Variants in SGSM2 observed in about 807,000 individuals in gnomAD.
The protein encoded by SGSM2 is small G protein signaling modulator 2, also known as RUN and TBC1 domain containing 1.
A neutral mutation model predicts 126.6 loss-of-function variants in SGSM2; 89 were observed. That is an observed-to-expected ratio of 0.70 (90% CI 0.59 to 0.84). The LOEUF is 0.84. Ranked by LOEUF, SGSM2 falls within the 40% of genes least tolerant of loss-of-function variation. The pLI, the probability that SGSM2 is intolerant of heterozygous loss-of-function variation, is 0.00. For synonymous variants in SGSM2, 614 were observed against 574.3 expected, an observed-to-expected ratio of 1.07 and a Z score of -0.99; for missense variants, 1,404 against 1,416.6, an observed-to-expected ratio of 0.99 and a Z score of 0.14.
chr17:2,361,056 G>C (rs1437643973), intron 2 of SGSM2, among the ~76,000 whole-genome samples: 4 of 152,202 alleles, frequency 2.6e-5, no homozygotes, highest in Non-Finnish European at 5.9e-5. Flanking sequence ...TCTGTCTGTG[G>C]AAAGTCCAGA....
At chr17:2,376,653 C>T (rs1567850945) in intron 19 of SGSM2, 80 bp from the exon 20 acceptor site, 18 of 1,479,516 alleles carry the variant, frequency 1.2e-5, no homozygotes, top group Non-Finnish European at 1.7e-5. Context: ...CGGCAGGTGG[C>T]TCTGGAGGAC....
intron 3 of SGSM2, 129 bp from the exon 4 acceptor site, chr17:2,361,980 C>T: frequency 2.2e-6 from 3 of 1,344,970 alleles, no homozygotes; most frequent in Admixed American, 2.2e-5. Context: ...CTGTACCCCT[C>T]CTTCACCTCC....
At chr17:2,366,352 T>C (rs2065585033) in intron 11 of SGSM2, among the ~76,000 whole-genome samples, 1 of 152,210 alleles carries the variant, frequency 6.6e-6, no homozygotes, top group African/African-American at 2.4e-5. Context: ...AGACTTGCTT[T>C]TCTTACAGAT....
At chr17:2,369,070 T>G (rs1009380896) in intron 12 of SGSM2, among the ~76,000 whole-genome samples, 1 of 152,162 alleles carries the variant, frequency 6.6e-6, no homozygotes, top group African/African-American at 2.4e-5. Flanking sequence ...CAACCTAGTA[T>G]AGAGCTTCTG....
intron 2 of SGSM2, among the ~76,000 whole-genome samples, chr17:2,357,552 C>T (rs2065134670): frequency 6.6e-6 from 1 of 152,156 alleles, no homozygotes; most frequent in African/African-American, 2.4e-5. Context: ...GGCTGGAGTG[C>T]AATGGCGCGA....
rs1483751869 is a variant in SGSM2, at chr17:2,338,789, A to AT, written c.57+1044_57+1045insT. On this transcript the variant is annotated intron_variant, in intron 1 of 23. Coordinates refer to ENST00000268989, the MANE Select transcript of SGSM2 (RefSeq NM_014853.3). The stretch of plus-strand genomic sequence containing the variant: ...CCGTCTCCCTAATATATATATATAT[A>AT]ACCTCACGCCTGTAATCCCAGCACG... Among the ~76,000 whole-genome samples, 109 of 148,256 alleles carry AT rather than the reference A, an allele frequency of 7.4e-4. 1 individual carries two copies. In the South Asian group the frequency reaches 0.013, roughly 18 times the overall value.
Position 2,363,477 on chromosome 17 carries a change from C to G in SGSM2, c.685C>G (p.His229Asp), listed in dbSNP as rs773452610. 1.2e-6 allele frequency: 2 copies of G among 1,613,342 alleles called. No individual in the cohort carries two copies. The highest frequency in any genetic ancestry group is 2.2e-5 in the East Asian group (1 of 44,868). Reference protein sequence around the residue: ...KRPALGIRKRHSSGSASEDRL... With the variant: ...KRPALGIRKRDSSGSASEDRL... ...GCCTTCCACACAGATCCGGAAACGG[C>G]ACTCAAGCGGCAGCGCGTCGGAGGA... The change falls in exon 7 of 24, where the codon CAC becomes GAC. Residue 229 changes from histidine (H) to aspartate (D), a missense_variant. Physicochemically the swap from His to Asp is moderately conservative, Grantham distance 81 (BLOSUM62 -1). Coordinates refer to ENST00000268989, the MANE Select transcript of SGSM2 (RefSeq NM_014853.3). The surrounding 1 kb of genome is among the most constrained non-coding windows in gnomAD (Gnocchi z 4.2).
rs990314154 is a variant in SGSM2, at chr17:2,359,750, T to C, written c.134-1887T>C. On this transcript the variant is annotated intron_variant, in intron 2 of 23. Transcript: ENST00000268989. ...CGCCTAGGGAAGGTGGGGAAGCGAA[T>C]GACTCATTATCCCGGCAATTAATCA... Among the ~76,000 whole-genome samples the C allele has an allele frequency of 2.4e-4, 37 of 152,198 alleles. 1 individual carries two copies. The highest frequency in any genetic ancestry group is 7.2e-4 in the African/African-American group (30 of 41,512).
rs1420462209 is a variant in SGSM2 at position 2,377,927 on chromosome 17, G to A, written c.2873G>A (p.Arg958His). The A allele has an allele frequency of 2.5e-6, 4 of 1,611,344 alleles. No individual in the cohort carries two copies. Among genetic ancestry groups the A allele is most frequent in the Non-Finnish European group, 3.4e-6 (4 of 1,177,790 alleles). The change falls in exon 22 of 24, where the codon CGC becomes CAC. Residue 958 changes from arginine (R) to histidine (H), a missense_variant. Arg to His is a conservative substitution (Grantham distance 29). Transcript: ENST00000268989. ...GDYTHFYFCYRWFLLDFKREL... is the reference protein window; with the variant it reads ...GDYTHFYFCYHWFLLDFKREL... ...TACACCCACTTCTACTTCTGTTATC[G>A]CTGGTTCCTGCTGGATTTTAAGAGA...
Position 2,367,237 on chromosome 17 carries a change from C to A in SGSM2, c.1289-34C>A. The A allele has an allele frequency of 1.3e-6, 2 of 1,598,336 alleles. No homozygotes were observed. Among genetic ancestry groups the A allele is most frequent in the South Asian group, 1.1e-5 (1 of 88,512 alleles). On this transcript the variant is annotated intron_variant, in intron 11 of 23. Transcript: ENST00000268989. The surrounding 1 kb of genome is among the most constrained non-coding windows in gnomAD (Gnocchi z 4.0). ...CCGTCCTGCCCAGGGATGAGGGCCT[C>A]ATGCCTCTGCCTCTCGCTGTTCTCT...
chr17:2,378,635 A>G (rs2066284631), intron 22 of SGSM2, among the ~76,000 whole-genome samples: 1 of 152,244 alleles, frequency 6.6e-6, no homozygotes, highest in Non-Finnish European at 1.5e-5. Flanking sequence ...CTCATAGATC[A>G]TAGTTTGGGG....
chr17:2,360,034 C>T (rs760633307), intron 2 of SGSM2, among the ~76,000 whole-genome samples: 5 of 152,248 alleles, frequency 3.3e-5, no homozygotes, highest in African/African-American at 4.8e-5. Flanking sequence ...AGCATGTGGA[C>T]GCTTAAGCCA....
At position 2,367,435 on chromosome 17, in the gene SGSM2, C is replaced by T. The variant is rs1202255821; in HGVS notation, c.1423+30C>T. 6.2e-7 allele frequency: 1 copy of T among 1,602,336 alleles called. No individual in the cohort carries two copies. Among genetic ancestry groups the T allele is most frequent in the South Asian group, 1.1e-5 (1 of 90,344 alleles). ...TTATCCCTCCCTCTCCCTGACCCAC[C>T]TCATCCCCACCCTCCCTCCCGGGCC... is the stretch of plus-strand genomic sequence containing the variant. On this transcript the variant is annotated intron_variant, in intron 12 of 23. Coordinates refer to ENST00000268989, the MANE Select transcript of SGSM2 (RefSeq NM_014853.3). This position sits in a 1 kb window ranked among gnomAD's most constrained non-coding sequence, Gnocchi z 4.0.
intron 2 of SGSM2, among the ~76,000 whole-genome samples, chr17:2,358,686 C>G (rs1281193499): frequency 6.6e-6 from 1 of 151,260 alleles, no homozygotes; most frequent in Non-Finnish European, 1.5e-5. Flanking sequence ...CACGCCAGAC[C>G]AGGCAATAGA....
At chr17:2,360,436 C>T (rs942745653) in intron 2 of SGSM2, among the ~76,000 whole-genome samples, 1 of 152,184 alleles carries the variant, frequency 6.6e-6, no homozygotes, top group African/African-American at 2.4e-5. Flanking sequence ...TCCAGTGCAC[C>T]CTCTTCCTGT....
At chr17:2,338,082 C>T (rs1192473990) in intron 1 of SGSM2, among the ~76,000 whole-genome samples, 1 of 152,002 alleles carries the variant, frequency 6.6e-6, no homozygotes, top group Non-Finnish European at 1.5e-5. Flanking sequence ...TCAGTGCCCG[C>T]GCCGCCAGGG....
At position 2,362,365 on chromosome 17, in the gene SGSM2, G is replaced by C. The variant is rs535567636; in HGVS notation, c.458+95G>C. On this transcript the variant is annotated intron_variant, in intron 4 of 23. Transcript: ENST00000268989. The surrounding 1 kb of genome is among the most constrained non-coding windows in gnomAD (Gnocchi z 4.9). ...CGTTCCCCAAAAACTGCAGGTGACC[G>C]CCCCGTTCCCCAAAAACTGCAGGTG... 7.9e-7 allele frequency: 1 copy of C among 1,258,814 alleles called. No individual in the cohort carries two copies. Among genetic ancestry groups the C allele is most frequent in the Admixed American group, 3.1e-5 (1 of 32,486 alleles). 78.0% of individuals were successfully genotyped at this position (1,258,814 alleles called of 1,614,324 possible). A position where few individuals can be genotyped will look rare whatever the true frequency, so the allele number is the denominator to read the frequency against.
At chr17:2,371,916 C>G (rs2065889548) in intron 13 of SGSM2, 3 of 515,136 alleles carry the variant, frequency 5.8e-6, no homozygotes, top group Non-Finnish European at 1.0e-5. Flanking sequence ...CTGCCTCTCT[C>G]CATTTTTCAC....
intron 2 of SGSM2, 58 bp downstream of exon 2, chr17:2,343,678 G>C: frequency 6.6e-7 from 1 of 1,507,590 alleles, no homozygotes; most frequent in Non-Finnish European, 9.2e-7. Flanking sequence ...ACACTGGCCT[G>C]GGGCCAGGAA....
Sources: allele counts gnomAD v4.1 joint callset (sites outside exome capture counted in the v4.1 genomes callset), GRCh38; gene constraint gnomAD v4.1.1; non-coding constraint Gnocchi (gnomAD v3.1); transcripts MANE v1.5; gene names NCBI Gene and HGNC (gene_info 2026-07-23, HGNC 2026-07-21).